The following PLPPR1 variants were observed in gnomAD, a reference collection of about 807,000 sequenced individuals.
The protein encoded by PLPPR1 is phospholipid phosphatase-related protein type 1.
In PLPPR1, 10 loss-of-function variants were observed where a neutral mutation model predicts 33.1. That is an observed-to-expected ratio of 0.30 (90% CI 0.19 to 0.51). The LOEUF (loss-of-function observed/expected upper bound fraction) is 0.51. Among genes scored for constraint, PLPPR1 ranks in the 20% least tolerant of loss-of-function variants. The probability of loss-of-function intolerance (pLI) is 0.97; values close to 1 mark genes in which losing one functional copy is unlikely to be tolerated. For missense variants in PLPPR1, 304 were observed against 408.1 expected, an observed-to-expected ratio of 0.74 and a Z score of 2.20; for synonymous variants, 151 against 151.0, an observed-to-expected ratio of 1.00 and a Z score of 0.00.
At chr9:101,269,857 G>C in intron 2 of PLPPR1, 23 bp from the exon 3 acceptor site, 1 of 1,613,116 alleles carries the variant, frequency 6.2e-7, no homozygotes, top group Non-Finnish European at 8.5e-7. Context: ...TAATGTCTCT[G>C]TGTGGCCATG....
rs961668567 is a variant in PLPPR1, at chr9:101,205,415, G to A, written c.63+19858G>A. Among the ~76,000 whole-genome samples, 10 of 152,242 alleles carry A rather than the reference G, an allele frequency of 6.6e-5. No individual in the cohort carries two copies. The South Asian group carries it at 2.1e-3, about 32-fold the overall frequency. ...AATCTCTTCACCTAGAAGGGGCCTT[G>A]TCAATGCCAGAAATTGGATGTTTCT... On this transcript the variant is annotated intron_variant, in intron 2 of 7. Transcript: ENST00000374874.
At chr9:101,170,848 G>C (rs1825932746) in intron 1 of PLPPR1, among the ~76,000 whole-genome samples, 1 of 152,178 alleles carries the variant, frequency 6.6e-6, no homozygotes, top group Non-Finnish European at 1.5e-5. Flanking sequence ...GCTGAGGTAG[G>C]AGGATGACTT....
At chr9:101,200,531 A>C (rs1826473582) in intron 2 of PLPPR1, among the ~76,000 whole-genome samples, 1 of 152,230 alleles carries the variant, frequency 6.6e-6, no homozygotes, top group South Asian at 2.1e-4. Context: ...GGGCTAAAAC[A>C]ATTTTTAAAG....
chr9:101,199,788 T>G (rs920516027), intron 2 of PLPPR1, among the ~76,000 whole-genome samples: 3 of 152,196 alleles, frequency 2.0e-5, no homozygotes, highest in African/African-American at 7.2e-5. Context: ...CTAGCACACT[T>G]TTTTCATACT....
At chr9:101,088,087 GA>G (rs778541767) in intron 1 of PLPPR1, among the ~76,000 whole-genome samples, 19 of 152,166 alleles carry the variant, frequency 1.2e-4, no homozygotes, top group Non-Finnish European at 2.2e-4. Flanking sequence ...AATATGAAAA[GA>G]AGCATCAAAA....
At chr9:101,127,144 C>G (rs1166353473) in intron 1 of PLPPR1, among the ~76,000 whole-genome samples, 1 of 152,096 alleles carries the variant, frequency 6.6e-6, no homozygotes, top group Non-Finnish European at 1.5e-5. Context: ...CCTCGTTCTT[C>G]CAAGTACTCA....
rs74515140 is a variant in PLPPR1, at chr9:101,036,009, G to A, written c.-46+6907G>A. On this transcript the variant is annotated intron_variant, in intron 1 of 7. Coordinates refer to ENST00000374874, the MANE Select transcript of PLPPR1 (RefSeq NM_207299.2). ...GGTGGGGTGAGAGAAGCAAACGCAG[G>A]ATTGGTTCCTGACTTTATTTAAAAT... Among the ~76,000 whole-genome samples, 2,512 of 152,232 alleles carry A rather than the reference G, an allele frequency of 0.017. 139 individuals carry two copies. The South Asian group carries it at 0.2, about 12-fold the overall frequency.
chr9:101,118,799 A>AT (rs1831144209), intron 1 of PLPPR1, among the ~76,000 whole-genome samples: 1 of 151,438 alleles, frequency 6.6e-6, no homozygotes, highest in Admixed American at 6.6e-5. Context: ...ATCGTGACTT[A>AT]TTTTTTATTT....
chr9:101,065,101 T>C (rs1408894390), intron 1 of PLPPR1, among the ~76,000 whole-genome samples: 5 of 152,158 alleles, frequency 3.3e-5, no homozygotes, highest in Admixed American at 1.3e-4. Context: ...TTTTAAACTG[T>C]CATATCAACC....
At chr9:101,201,956 C>T (rs1826501470) in intron 2 of PLPPR1, among the ~76,000 whole-genome samples, 2 of 152,144 alleles carry the variant, frequency 1.3e-5, no homozygotes, top group African/African-American at 4.8e-5. Context: ...AGTTTGTTTG[C>T]TTCCCACAGA....
At chr9:101,220,300 G>A (rs527721414) in intron 2 of PLPPR1, among the ~76,000 whole-genome samples, 12 of 152,296 alleles carry the variant, frequency 7.9e-5, no homozygotes, top group African/African-American at 2.6e-4. Context: ...ATTTAATTGA[G>A]CACGGTGGTT....
intron 1 of PLPPR1, among the ~76,000 whole-genome samples, chr9:101,082,036 A>C (rs1483408338): frequency 1.3e-5 from 2 of 152,210 alleles, no homozygotes; most frequent in East Asian, 3.9e-4. Flanking sequence ...CCCTGAGATC[A>C]AGTCAGTTAC....
chr9:101,215,481 A>G (rs904253921), intron 2 of PLPPR1, among the ~76,000 whole-genome samples: 2 of 152,116 alleles, frequency 1.3e-5, no homozygotes, highest in African/African-American at 4.8e-5. Flanking sequence ...GGGTTTCACC[A>G]TGTTGGTCAG....
intron 1 of PLPPR1, among the ~76,000 whole-genome samples, chr9:101,184,703 T>C (rs1251856798): frequency 6.6e-6 from 1 of 151,032 alleles, no homozygotes; most frequent in East Asian, 2.0e-4. Context: ...AATCTCCTAA[T>C]ACAATTATAT....
intron 2 of PLPPR1, among the ~76,000 whole-genome samples, chr9:101,256,262 A>G (rs538371394): frequency 1.3e-4 from 20 of 152,316 alleles, no homozygotes; most frequent in African/African-American, 4.1e-4. Context: ...AATTGATAGA[A>G]ACTCAAGAGT....
intron 6 of PLPPR1, among the ~76,000 whole-genome samples, chr9:101,316,095 T>C (rs1227485931): frequency 2.6e-5 from 4 of 152,226 alleles, no homozygotes; most frequent in South Asian, 4.1e-4. Flanking sequence ...GGGACCTGGG[T>C]CTCTCCACTC....
At chr9:101,178,226 G>C (rs1260896195) in intron 1 of PLPPR1, among the ~76,000 whole-genome samples, 1 of 152,230 alleles carries the variant, frequency 6.6e-6, no homozygotes, top group Non-Finnish European at 1.5e-5. Flanking sequence ...TGGTGGCAAG[G>C]ATAGAGGTTA....
chr9:101,206,820 C>G (rs1193538680), intron 2 of PLPPR1, among the ~76,000 whole-genome samples: 1 of 152,142 alleles, frequency 6.6e-6, no homozygotes, highest in Non-Finnish European at 1.5e-5. Flanking sequence ...AAGGACCAAG[C>G]TGCACCAGGG....
intron 7 of PLPPR1, among the ~76,000 whole-genome samples, chr9:101,318,442 GA>G (rs1479818781): frequency 2.6e-5 from 4 of 152,014 alleles, no homozygotes; most frequent in Admixed American, 2.0e-4. Context: ...CTATTGAATA[GA>G]TACTATAATT....
Sources: allele counts gnomAD v4.1 joint callset (sites outside exome capture counted in the v4.1 genomes callset), GRCh38; gene constraint gnomAD v4.1.1; transcripts MANE v1.5; gene names NCBI Gene and HGNC (gene_info 2026-07-23, HGNC 2026-07-21).